GALNT13: variants seen among roughly 807,000 people sequenced by gnomAD.
GALNT13 encodes polypeptide N-acetylgalactosaminyltransferase 13.
GALNT13 carries 28 observed loss-of-function variants against 64.2 expected under a neutral mutation model. The ratio of observed to expected loss-of-function variants is 0.44; its 90% CI spans 0.32 to 0.60. GALNT13 has a LOEUF of 0.60. Ranked by LOEUF, GALNT13 falls within the 20% of genes least tolerant of loss-of-function variation. GALNT13 has a pLI of 0.05. For missense variants in GALNT13, 577 were observed against 669.8 expected, an observed-to-expected ratio of 0.86 and a Z score of 1.53; for synonymous variants, 214 against 224.6, an observed-to-expected ratio of 0.95 and a Z score of 0.42.
chr2:153,662,928 C>A, the GALNT13 span, among the ~76,000 whole-genome samples: 2 of 152,146 alleles, frequency 1.3e-5, no homozygotes, highest in Non-Finnish European at 2.9e-5. Context: ...CAGAGTTAGA[C>A]AATTACGTAG....
chr2:154,333,132 C>G (rs1019044346), intron 9 of GALNT13, among the ~76,000 whole-genome samples: 1 of 151,972 alleles, frequency 6.6e-6, no homozygotes, highest in East Asian at 1.9e-4. Flanking sequence ...CCATCTTTTT[C>G]TTTCTGTATT....
the GALNT13 span, among the ~76,000 whole-genome samples, chr2:153,737,635 T>C: frequency 6.6e-6 from 1 of 152,126 alleles, no homozygotes; most frequent in African/African-American, 2.4e-5. Context: ...TTTCGATATC[T>C]CCTTCATCGT....
intron 9 of GALNT13, among the ~76,000 whole-genome samples, chr2:154,367,074 A>T (rs775344): frequency 0.33 from 50,495 of 151,470 alleles, 8,699 homozygotes; most frequent in African/African-American, 0.41. Flanking sequence ...CTCCTTTTTT[A>T]AAAAAAAATT....
the GALNT13 span, among the ~76,000 whole-genome samples, chr2:153,772,103 A>T: frequency 5.3e-5 from 8 of 152,134 alleles, no homozygotes; most frequent in African/African-American, 1.9e-4. Context: ...CTTACCACTG[A>T]GGTGCTCTCC....
At chr2:153,123,244 T>C in the GALNT13 span, among the ~76,000 whole-genome samples, 2 of 151,998 alleles carry the variant, frequency 1.3e-5, no homozygotes, top group East Asian at 3.9e-4. Context: ...CAAGAAAGGA[T>C]TTTTCCCCTA....
At chr2:154,413,612 G>C (rs191798558) in intron 11 of GALNT13, among the ~76,000 whole-genome samples, 2 of 151,934 alleles carry the variant, frequency 1.3e-5, no homozygotes, top group Admixed American at 1.3e-4. Context: ...CTAGACATAC[G>C]TCTCATGATT....
chr2:153,323,011 T>A, the GALNT13 span, among the ~76,000 whole-genome samples: 1 of 152,084 alleles, frequency 6.6e-6, no homozygotes, highest in Non-Finnish European at 1.5e-5. Flanking sequence ...TGGGTATATA[T>A]GCAGTAATGG....
chr2:153,509,215 A>C, the GALNT13 span, among the ~76,000 whole-genome samples: 1 of 152,226 alleles, frequency 6.6e-6, no homozygotes, highest in Non-Finnish European at 1.5e-5. Flanking sequence ...AGGAGCTTCC[A>C]GGGTCCCTGA....
intron 4 of GALNT13, among the ~76,000 whole-genome samples, chr2:154,152,847 A>G (rs1406882083): frequency 6.6e-6 from 1 of 152,046 alleles, no homozygotes; most frequent in Non-Finnish European, 1.5e-5. Flanking sequence ...TTTTTTTCAA[A>G]GTTTTCAACT....
Position 154,450,408 on chromosome 2 carries a change from C to A in GALNT13, c.1531-3C>A. 6.2e-7 allele frequency: 1 copy of A among 1,606,490 alleles called. No homozygotes were observed. Among genetic ancestry groups the A allele is most frequent in the Non-Finnish European group, 8.5e-7 (1 of 1,176,824 alleles). ...TGCACTGATTATTGGTTATCTTTTA[C>A]AGAGACTCACGTTGCGACATGTTAA... On this transcript the variant is annotated splice_region_variant and splice_polypyrimidine_tract_variant and intron_variant, in intron 12 of 12. Coordinates refer to ENST00000392825, the MANE Select transcript of GALNT13 (RefSeq NM_052917.4).
At chr2:153,863,918 C>T in the GALNT13 span, among the ~76,000 whole-genome samples, 1 of 152,052 alleles carries the variant, frequency 6.6e-6, no homozygotes, top group Non-Finnish European at 1.5e-5. Context: ...TACATTGATT[C>T]CTGATGGCAC....
At chr2:153,466,703 A>C in the GALNT13 span, among the ~76,000 whole-genome samples, 1 of 152,054 alleles carries the variant, frequency 6.6e-6, no homozygotes, top group Non-Finnish European at 1.5e-5. Context: ...GTCTGTTGAT[A>C]AGACACATTT....
the GALNT13 span, among the ~76,000 whole-genome samples, chr2:153,403,576 C>G: frequency 6.6e-6 from 1 of 152,142 alleles, no homozygotes; most frequent in African/African-American, 2.4e-5. Flanking sequence ...TAGCAATCAG[C>G]GAGACTCCCT....
intron 3 of GALNT13, among the ~76,000 whole-genome samples, chr2:154,037,711 C>T (rs1436695888): frequency 2.0e-5 from 3 of 152,106 alleles, no homozygotes; most frequent in Non-Finnish European, 4.4e-5. Flanking sequence ...TATATATCAA[C>T]AATGAATTAG....
At chr2:153,257,530 C>T in the GALNT13 span, among the ~76,000 whole-genome samples, 3 of 152,134 alleles carry the variant, frequency 2.0e-5, no homozygotes, top group Non-Finnish European at 2.9e-5. Flanking sequence ...GAGATTGTGA[C>T]ATTAGAATAG....
the GALNT13 span, among the ~76,000 whole-genome samples, chr2:153,861,540 C>G: frequency 2.7e-5 from 4 of 146,504 alleles, no homozygotes; most frequent in African/African-American, 1.0e-4. Flanking sequence ...GATTTTTTCT[C>G]TTTTCTTTTT....
the GALNT13 span, among the ~76,000 whole-genome samples, chr2:153,827,972 T>A: frequency 7.2e-5 from 11 of 152,198 alleles, no homozygotes; most frequent in African/African-American, 2.4e-4. Context: ...AAGTCTGAAA[T>A]CCAACAGGGC....
rs71396392 is a variant in GALNT13, at chr2:154,142,549, C to CAAA, written c.311+2066_311+2068dup. Among the ~76,000 whole-genome samples the CAAA allele has an allele frequency of 3.5e-3, 231 of 66,288 alleles. 3 individuals are homozygous for CAAA. The highest frequency in any genetic ancestry group is 4.3e-3 in the Non-Finnish European group (150 of 35,058). 43.5% of individuals were successfully genotyped at this position (66,288 alleles called of 152,430 possible). On this transcript the variant is annotated intron_variant, in intron 4 of 12. Transcript: ENST00000392825. ...GGGCAACAAGAGCGAAACTCTGTCT[C>CAAA]AAAAAAAAAAAAAAAAAAAAAAAAG...
chr2:153,301,249 A>G, the GALNT13 span, among the ~76,000 whole-genome samples: 5 of 142,850 alleles, frequency 3.5e-5, no homozygotes, highest in South Asian at 1.1e-3. Context: ...GACAGAGGTT[A>G]CAGTGAGCTG....
Sources: allele counts gnomAD v4.1 joint callset (sites outside exome capture counted in the v4.1 genomes callset), GRCh38; gene constraint gnomAD v4.1.1; transcripts MANE v1.5; gene names NCBI Gene and HGNC (gene_info 2026-07-23, HGNC 2026-07-21).